PXK: variants seen among roughly 807,000 people sequenced by gnomAD.
PXK encodes PX domain containing serine/threonine kinase like.
Under a neutral mutation model 84.7 loss-of-function variants are expected in PXK, and 35 were observed. The ratio of observed to expected loss-of-function variants is 0.41; its 90% CI spans 0.32 to 0.55. The LOEUF is 0.55. Among genes scored for constraint, PXK ranks in the 20% least tolerant of loss-of-function variants. PXK has a pLI of 0.21. For missense variants in PXK, 634 were observed against 699.7 expected (o/e 0.91, Z 1.06); for synonymous variants, 253 against 260.8 (o/e 0.97, Z 0.29).
chr3:58,340,401 G>A (rs1317796914), intron 1 of PXK, among the ~76,000 whole-genome samples: 1 of 150,292 alleles, frequency 6.7e-6, no homozygotes, highest in Non-Finnish European at 1.5e-5. Context: ...GGGATTACAA[G>A]TGTGAGCCAC....
chr3:58,339,815 AT>A lies in PXK; in HGVS notation c.102+6734del, dbSNP rs766660671. 5.4e-5 allele frequency among the ~76,000 whole-genome samples: 8 copies of A among 147,978 alleles called. No homozygotes were observed. The East Asian group carries it at 1.6e-3, about 29-fold the overall frequency. ...GATCTTGAGATTGTTCAATATATAGATTTTTTTTTCTTTTTTGAGATGGAGT... is the reference window on the plus strand; with the variant it reads ...GATCTTGAGATTGTTCAATATATAGATTTTTTTTCTTTTTTGAGATGGAGT... On this transcript the variant is annotated intron_variant, in intron 1 of 17. Transcript: ENST00000356151.
chr3:58,375,347 A>G (rs6771437), intron 3 of PXK, among the ~76,000 whole-genome samples: 3,248 of 152,312 alleles, frequency 0.021, 126 homozygotes, highest in African/African-American at 0.074. Flanking sequence ...TTAATTGAAA[A>G]AAAAGTAGTA....
chr3:58,388,761 C>T (rs2098593178), intron 4 of PXK, among the ~76,000 whole-genome samples: 2 of 152,194 alleles, frequency 1.3e-5, no homozygotes, highest in African/African-American at 4.8e-5. Flanking sequence ...GTTTTCTTCC[C>T]TGATCTCTTA....
At chr3:58,419,080 G>A (rs904309880) in intron 17 of PXK, among the ~76,000 whole-genome samples, 1 of 152,212 alleles carries the variant, frequency 6.6e-6, no homozygotes, top group Admixed American at 6.5e-5. Flanking sequence ...AAATATGATT[G>A]GAAGAAAAGG....
Position 58,409,692 on chromosome 3 carries a change from G to T in PXK, c.1395+74G>T. The T allele has an allele frequency of 8.2e-7, 1 of 1,222,536 alleles. No homozygotes were observed. 75.7% of individuals were successfully genotyped at this position (1,222,536 alleles called of 1,614,324 possible). A position where few individuals can be genotyped will look rare whatever the true frequency, so the allele number is the denominator to read the frequency against. ...GTGAAGAAAGTTCTAGGTTAATGGT[G>T]CCCATTTAATGACAGATGCTGTGCT... On this transcript the variant is annotated intron_variant, in intron 15 of 17. Transcript: ENST00000356151. The surrounding 1 kb of genome is among the most constrained non-coding windows in gnomAD (Gnocchi z 4.2).
chr3:58,378,934 A>T (rs1216952920), intron 3 of PXK, among the ~76,000 whole-genome samples: 1 of 150,556 alleles, frequency 6.6e-6, no homozygotes. Context: ...TAGTAGTAGT[A>T]GTATTTGAGA....
chr3:58,389,217 C>T (rs1444433519), intron 4 of PXK, among the ~76,000 whole-genome samples: 2 of 152,036 alleles, frequency 1.3e-5, no homozygotes, highest in African/African-American at 4.8e-5. Context: ...CACAATAGAA[C>T]CATGTTGTTG....
At chr3:58,406,661 A>G (rs1452294071) in intron 13 of PXK, among the ~76,000 whole-genome samples, 1 of 152,160 alleles carries the variant, frequency 6.6e-6, no homozygotes, top group Non-Finnish European at 1.5e-5. Context: ...CTATCTTCAC[A>G]TTATTGTATA....
chr3:58,395,127 A>C (rs1199966679), intron 8 of PXK, 25 bp downstream of exon 8: 1 of 1,541,592 alleles, frequency 6.5e-7, no homozygotes, highest in Non-Finnish European at 9.0e-7. Flanking sequence ...TCATGGTCAT[A>C]AGGAATTCTC....
intron 1 of PXK, among the ~76,000 whole-genome samples, chr3:58,350,275 A>G (rs1003194734): frequency 2.6e-5 from 4 of 152,200 alleles, no homozygotes; most frequent in South Asian, 2.1e-4. Flanking sequence ...TGGTGCTCAC[A>G]TTACATTCAG....
intron 6 of PXK, among the ~76,000 whole-genome samples, chr3:58,391,504 C>CAAA (rs10691351): frequency 7.3e-5 from 11 of 150,116 alleles, no homozygotes; most frequent in African/African-American, 2.2e-4. Flanking sequence ...GTTTACTTCC[C>CAAA]AAAAAAAAAA....
chr3:58,352,082 G>A lies in PXK; in HGVS notation c.103-13792G>A, dbSNP rs557613135. Among the ~76,000 whole-genome samples, 15 of 152,356 alleles carry A rather than the reference G, an allele frequency of 9.8e-5. 1 individual carries two copies. The highest frequency in any genetic ancestry group is 2.1e-4 in the South Asian group (1 of 4,832). On this transcript the variant is annotated intron_variant, in intron 1 of 17. Coordinates refer to ENST00000356151, the MANE Select transcript of PXK (RefSeq NM_017771.5). ...AGCTAATAAGCAGTCGTTGGGCTTC[G>A]TTCCAGATCTCTGTGACTGGAAAAT...
At chr3:58,352,199 T>C (rs773280295) in intron 1 of PXK, among the ~76,000 whole-genome samples, 1 of 152,178 alleles carries the variant, frequency 6.6e-6, no homozygotes, top group Non-Finnish European at 1.5e-5. Context: ...AGCTCCTCCT[T>C]CAGGTTCCAG....
chr3:58,354,661 G>A (rs2108155146), intron 1 of PXK, among the ~76,000 whole-genome samples: 1 of 152,048 alleles, frequency 6.6e-6, no homozygotes, highest in African/African-American at 2.4e-5. Context: ...TGTTGGCCAG[G>A]TTGGTCTCGA....
chr3:58,348,985 A>G (rs1400743660), intron 1 of PXK, among the ~76,000 whole-genome samples: 1 of 152,092 alleles, frequency 6.6e-6, no homozygotes, highest in East Asian at 1.9e-4. Context: ...GTATTTTACA[A>G]TTACAGCATA....
intron 1 of PXK, among the ~76,000 whole-genome samples, chr3:58,336,065 ATATATATTTTT>A (rs1312202950): frequency 1.1e-3 from 64 of 57,124 alleles, no homozygotes; most frequent in African/African-American, 7.8e-3. Context: ...ATATATATAT[ATATATATTTTT>A]TTTTTTTTTT....
rs554478428 is a variant in PXK at position 58,425,903 on chromosome 3, T to A, written c.*943T>A. The A allele has an allele frequency of 6.6e-6, 1 of 152,348 alleles. No homozygotes were observed. Among genetic ancestry groups the A allele is most frequent in the East Asian group, 1.9e-4 (1 of 5,194 alleles). The allele number at this position is 152,348 out of a possible 1,614,324, so 9.4% of individuals were successfully genotyped here. On this transcript the variant is annotated 3_prime_UTR_variant, in exon 18 of 18. Coordinates refer to ENST00000356151, the MANE Select transcript of PXK (RefSeq NM_017771.5). ...TTGCACTTTAAAGGATTATAAATAA[T>A]CCATTTAAAAATTCAAGTACACACA...
At chr3:58,378,266 G>C (rs1173178162) in intron 3 of PXK, among the ~76,000 whole-genome samples, 1 of 152,068 alleles carries the variant, frequency 6.6e-6, no homozygotes, top group African/African-American at 2.4e-5. Flanking sequence ...TCCTGCCTAA[G>C]AGGAAAGAGC....
intron 1 of PXK, among the ~76,000 whole-genome samples, chr3:58,360,558 G>T (rs192201675): frequency 0.014 from 2,149 of 152,212 alleles, 62 homozygotes; most frequent in African/African-American, 0.049. Context: ...GCTCCAGGCT[G>T]GGCACAGTGG....
Sources: gnomAD v4.1 joint callset for allele counts (sites outside exome capture counted in the v4.1 genomes callset) on GRCh38, gnomAD v4.1.1 for gene constraint, Gnocchi (gnomAD v3.1) non-coding constraint, MANE v1.5 for transcripts, NCBI Gene and HGNC (gene_info 2026-07-23, HGNC 2026-07-21) for gene names.